Variants in IFRD2 observed in about 807,000 individuals in gnomAD.
IFRD2 encodes interferon-related developmental regulator 2.
A neutral mutation model predicts 49.2 loss-of-function variants in IFRD2; 35 were observed. The observed-to-expected ratio is 0.71, with a 90% CI of 0.54 to 0.94. The LOEUF (loss-of-function observed/expected upper bound fraction) is 0.94. IFRD2 is among the 40% of genes least tolerant of loss of function. The pLI is 0.00. For synonymous variants in IFRD2, 275 were observed against 239.7 expected, an observed-to-expected ratio of 1.15 and a Z score of -1.36; for missense variants, 561 against 591.6, an observed-to-expected ratio of 0.95 and a Z score of 0.54.
At position 50,289,908 on chromosome 3, in the gene IFRD2, ATGG is replaced by A. The variant is rs1414755175; in HGVS notation, c.546+18_546+20del. ...AGGGATAAGGTGCAGGAAGGGTTTC[ATGG>A]GGCACAGGCACACTCACGTGGAGCC... On this transcript the variant is annotated intron_variant, in intron 5 of 11. Transcript: ENST00000417626. 15 of 1,612,070 alleles carry A rather than the reference ATGG, an allele frequency of 9.3e-6. No individual in the cohort carries two copies. The highest frequency in any genetic ancestry group is 1.7e-5 in the Admixed American group (1 of 59,814).
intron 4 of IFRD2, 27 bp from the exon 5 acceptor site, chr3:50,290,113 T>C: frequency 1.2e-6 from 2 of 1,612,756 alleles, no homozygotes; most frequent in Non-Finnish European, 1.7e-6. Flanking sequence ...AGTCAGCCCA[T>C]GCAGCAAGGG....
Position 50,288,103 on chromosome 3 carries a change from A to AAT in IFRD2, c.*86_*87dup. The AAT allele has an allele frequency of 8.4e-7, 1 of 1,195,976 alleles. No individual in the cohort carries two copies. Among genetic ancestry groups the AAT allele is most frequent in the Non-Finnish European group, 1.2e-6 (1 of 825,522 alleles). 74.1% of individuals were successfully genotyped at this position (1,195,976 alleles called of 1,614,324 possible). A position where few individuals can be genotyped will look rare whatever the true frequency, so the allele number is the denominator to read the frequency against. On this transcript the variant is annotated 3_prime_UTR_variant, in exon 12 of 12. Transcript: ENST00000417626. The stretch of plus-strand genomic sequence containing the variant: ...TGTCATTAAAAAAAATAAAGTGACA[A>AAT]ATACTGGTGGAGACCAGTTGTTGCA...
chr3:50,288,170 T>C lies in IFRD2; in HGVS notation c.*21A>G. ...ATACGGACCAAGGGCATAGAAAGTC[T>C]CCTCTTCAGCAGGTCCTGCTTCACA... On this transcript the variant is annotated 3_prime_UTR_variant, in exon 12 of 12. Transcript: ENST00000417626. The C allele has an allele frequency of 6.2e-7, 1 of 1,601,952 alleles. No individual in the cohort carries two copies. The highest frequency in any genetic ancestry group is 8.5e-7 in the Non-Finnish European group (1 of 1,169,838).
chr3:50,291,466 C>T (rs587631905), intron 1 of IFRD2, among the ~76,000 whole-genome samples: 1 of 152,152 alleles, frequency 6.6e-6, no homozygotes, highest in Non-Finnish European at 1.5e-5. Context: ...CCCCCCAGGC[C>T]TCCCTGAGTC....
Position 50,290,062 on chromosome 3 carries a change from G to A in IFRD2, c.413C>T (p.Ala138Val). 6.2e-7 allele frequency: 1 copy of A among 1,613,818 alleles called. No homozygotes were observed. The highest frequency in any genetic ancestry group is 8.5e-7 in the Non-Finnish European group (1 of 1,179,790). Residue 138 changes from alanine to valine, a missense_variant, in exon 5 of 12, where the codon GCT (alanine) becomes GTT (valine). Physicochemically the swap from Ala to Val is moderately conservative, Grantham distance 64 (BLOSUM62 0). Coordinates refer to ENST00000417626, the MANE Select transcript of IFRD2 (RefSeq NM_006764.5). The part of the protein sequence containing the change: ...KKGKGEEQAL[A>V]AAVLGLLCVQ... ...GCAGAGCAGGCCTAGCACAGCAGCA[G>A]CCAGGGCTTGTTCCTCGCCCTTCCC... is the stretch of plus-strand genomic sequence containing the variant.
Position 50,290,553 on chromosome 3 carries a change from C to A in IFRD2, c.178+7G>T. On this transcript the variant is annotated splice_region_variant and intron_variant, in intron 2 of 11. Transcript: ENST00000417626. The stretch of plus-strand genomic sequence containing the variant: ...CAAGCCCCTGTCAAACTTCCACCCG[C>A]TCTCACCAAGGCTGTCCTCTGCAGT... The A allele has an allele frequency of 6.2e-7, 1 of 1,613,742 alleles. No individual in the cohort carries two copies. Among genetic ancestry groups the A allele is most frequent in the South Asian group, 1.1e-5 (1 of 90,942 alleles).
Position 50,288,816 on chromosome 3 carries a change from A to G in IFRD2, c.1007T>C (p.Val336Ala), listed in dbSNP as rs370820282. ...CACACACACCTCCACGGAGTGCAGC[A>G]CGGCGCGGAAAGTAGAGCGCTGGCG... ...RRRQRSTFRA[V>A]LHSVEGGECE... is the part of the protein sequence containing the mutation. Residue 336 changes from valine to alanine, a missense_variant, in exon 9 of 12, where the codon GTG becomes GCG. Coordinates refer to ENST00000417626, the MANE Select transcript of IFRD2 (RefSeq NM_006764.5). 8.7e-6 allele frequency: 14 copies of G among 1,613,312 alleles called. No individual in the cohort carries two copies. The highest frequency in any genetic ancestry group is 1.2e-5 in the Non-Finnish European group (14 of 1,179,616).
At chr3:50,291,682 A>G (rs1347360154) in intron 1 of IFRD2, 1 of 152,914 alleles carries the variant, frequency 6.5e-6, no homozygotes, top group Non-Finnish European at 1.5e-5. Context: ...CAGAGTAAAC[A>G]TATGTGTTTA....
In IFRD2 at chr3:50,290,222, C is replaced by G; in HGVS notation, c.336G>C (p.Leu112Phe). Residue 112 changes from leucine (L) to phenylalanine (F), a missense_variant, in exon 4 of 12, where the codon TTG (leucine) becomes TTC (phenylalanine). By Grantham distance (22) the Leu-to-Phe change is conservative. Coordinates refer to ENST00000417626, the MANE Select transcript of IFRD2 (RefSeq NM_006764.5). Reference sequence around the variant, plus strand: ...CGGCTAGCGTGAGGCGGCGCTCCAGCAAGAAGTCGGGGAGTAGGCGGGACG... The same window carrying G: ...CGGCTAGCGTGAGGCGGCGCTCCAGGAAGAAGTCGGGGAGTAGGCGGGACG... Reference protein sequence around the residue: ...ALASRLLPDFLLERRLTLADA... With the variant: ...ALASRLLPDFFLERRLTLADA... 6.2e-7 allele frequency: 1 copy of G among 1,613,610 alleles called. No homozygotes were observed. The highest frequency in any genetic ancestry group is 8.5e-7 in the Non-Finnish European group (1 of 1,179,718).
At position 50,292,248 on chromosome 3, in the gene IFRD2, C is replaced by G. The variant is rs6788251; in HGVS notation, c.27G>C (p.Thr9=). The change falls in exon 1 of 12, where the codon ACG becomes ACC. Residue 9 remains threonine, a synonymous_variant. Coordinates refer to ENST00000417626, the MANE Select transcript of IFRD2 (RefSeq NM_006764.5). The part of the protein sequence containing the change: MPRARKGN[T]LRKGGQRRGG... Reference sequence around the variant, plus strand: ...CACGGCGCTGACCACCCTTCCGGAGCGTGTTGCCCTTACGGGCGCGAGGCA... The same window carrying G: ...CACGGCGCTGACCACCCTTCCGGAGGGTGTTGCCCTTACGGGCGCGAGGCA... The G allele has an allele frequency of 1.1e-5, 16 of 1,517,898 alleles. No individual in the cohort carries two copies. The East Asian group carries it at 3.8e-4, about 36-fold the overall frequency. 94.0% of individuals were successfully genotyped at this position (1,517,898 alleles called of 1,614,324 possible). A position where few individuals can be genotyped will look rare whatever the true frequency, so the allele number is the denominator to read the frequency against.
intron 7 of IFRD2, 33 bp from the exon 8 acceptor site, chr3:50,289,393 G>A (rs934247355): frequency 1.3e-6 from 2 of 1,573,678 alleles, no homozygotes; most frequent in Non-Finnish European, 8.6e-7. Context: ...TATATGTGTG[G>A]CTTGGGGGCC....
chr3:50,292,322 T>A lies in IFRD2; in HGVS notation c.-48A>T, dbSNP rs373477843. Reference sequence around the variant, plus strand: ...CGCGGGGTCAGGGACCCGGTGGGTGTGGGCTCCAGGCCAACGAGACGCCGG... The same window carrying A: ...CGCGGGGTCAGGGACCCGGTGGGTGAGGGCTCCAGGCCAACGAGACGCCGG... On this transcript the variant is annotated 5_prime_UTR_variant, in exon 1 of 12. Coordinates refer to ENST00000417626, the MANE Select transcript of IFRD2 (RefSeq NM_006764.5). 1.5e-4 allele frequency: 238 copies of A among 1,566,512 alleles called. 1 individual carries two copies. In the African/African-American group the frequency reaches 2.2e-3, roughly 15 times the overall value.
rs1325223945 is a variant in IFRD2 at position 50,288,770 on chromosome 3, T to C, written c.1023+30A>G. 2.9e-5 allele frequency: 47 copies of C among 1,612,092 alleles called. No homozygotes were observed. The Admixed American group carries it at 7.9e-4, about 27-fold the overall frequency. ...GGCTGCTATGCCTGGGGGTGCACCC[T>C]TGCTAGGACACATATGTTCTCACAC... On this transcript the variant is annotated intron_variant, in intron 9 of 11. Coordinates refer to ENST00000417626, the MANE Select transcript of IFRD2 (RefSeq NM_006764.5).
Position 50,290,596 on chromosome 3 carries a change from G to A in IFRD2, c.142C>T (p.Pro48Ser). 2 of 1,613,988 alleles carry A rather than the reference G, an allele frequency of 1.2e-6. No individual in the cohort carries two copies. Among genetic ancestry groups the A allele is most frequent in the South Asian group, 1.1e-5 (1 of 91,066 alleles). Residue 48 changes from proline to serine, a missense_variant, in exon 2 of 12, where the codon CCC becomes TCC. Transcript: ENST00000417626. ...SEARSTASEC[P>S]SLLSTTAEDS... ...TCTGCAGTGGTGCTGAGAAGGCTGG[G>A]GCATTCACTGGCGGTGCTGCGGGCC...
At position 50,288,795 on chromosome 3, in the gene IFRD2, C is replaced by T. The variant is rs1553709073; in HGVS notation, c.1023+5G>A. 1.9e-6 allele frequency: 3 copies of T among 1,612,920 alleles called. No individual in the cohort carries two copies. Among genetic ancestry groups the T allele is most frequent in the African/African-American group, 2.7e-5 (2 of 74,914 alleles). Reference sequence around the variant, plus strand: ...TTGCTAGGACACATATGTTCTCACACACACCTCCACGGAGTGCAGCACGGC... The same window carrying T: ...TTGCTAGGACACATATGTTCTCACATACACCTCCACGGAGTGCAGCACGGC... On this transcript the variant is annotated splice_donor_5th_base_variant and intron_variant, in intron 9 of 11. Coordinates refer to ENST00000417626, the MANE Select transcript of IFRD2 (RefSeq NM_006764.5).
intron 11 of IFRD2, 37 bp downstream of exon 11, chr3:50,288,372 G>A: frequency 6.2e-7 from 1 of 1,606,024 alleles, no homozygotes. Flanking sequence ...CAGGAAATGG[G>A]AATAGGGGGA....
Position 50,289,203 on chromosome 3 carries a change from C to T in IFRD2, c.885+52G>A, listed in dbSNP as rs369578296. The T allele has an allele frequency of 7.1e-5, 104 of 1,456,874 alleles. 1 individual carries two copies. Among genetic ancestry groups the T allele is most frequent in the East Asian group, 4.9e-4 (20 of 40,428 alleles). The allele number at this position is 1,456,874 out of a possible 1,614,324, so 90.2% of individuals were successfully genotyped here. On this transcript the variant is annotated intron_variant, in intron 8 of 11. Transcript: ENST00000417626. ...TTGTGTGGCACCCCCTGCATCCAGCCTGTGATGGGCAGGTGGTGTCACCAA... is the reference window on the plus strand; with the variant it reads ...TTGTGTGGCACCCCCTGCATCCAGCTTGTGATGGGCAGGTGGTGTCACCAA...
rs1191838072 is a variant in IFRD2 at position 50,290,098 on chromosome 3, T to C, written c.389-12A>G. 8.7e-6 allele frequency: 14 copies of C among 1,613,148 alleles called. No homozygotes were observed. In the Admixed American group the frequency reaches 1.0e-4, roughly 12 times the overall value. ...TTCCTCGCCCTTCCCTGTGGGATGCTTTCCAGTCAGCCCATGCAGCAAGGG... is the reference window on the plus strand; with the variant it reads ...TTCCTCGCCCTTCCCTGTGGGATGCCTTCCAGTCAGCCCATGCAGCAAGGG... On this transcript the variant is annotated splice_polypyrimidine_tract_variant and intron_variant, in intron 4 of 11. Coordinates refer to ENST00000417626, the MANE Select transcript of IFRD2 (RefSeq NM_006764.5).
chr3:50,291,157 C>A (rs138558275), intron 1 of IFRD2, among the ~76,000 whole-genome samples: 1 of 151,842 alleles, frequency 6.6e-6, no homozygotes, highest in Admixed American at 6.6e-5. Context: ...GGATTACAGG[C>A]ATACGACACC....
Sources: gnomAD v4.1 joint callset for allele counts (sites outside exome capture counted in the v4.1 genomes callset) on GRCh38, gnomAD v4.1.1 for gene constraint, MANE v1.5 for transcripts, NCBI Gene and HGNC (gene_info 2026-07-23, HGNC 2026-07-21) for gene names.